The following CAMSAP1 variants were observed in gnomAD, a reference collection of about 807,000 sequenced individuals.
The protein encoded by CAMSAP1 is calmodulin regulated spectrin associated protein 1, also known as calmodulin-regulated spectrin-associated protein 1.
Under a neutral mutation model 143.5 loss-of-function variants are expected in CAMSAP1, and 58 were observed. The ratio of observed to expected loss-of-function variants is 0.40; its 90% CI spans 0.33 to 0.50. The LOEUF is 0.50. CAMSAP1 is among the 20% of genes least tolerant of loss of function. CAMSAP1 has a pLI of 0.45. For missense variants in CAMSAP1, 1,969 were observed against 2,115.7 expected, an observed-to-expected ratio of 0.93 and a Z score of 1.36; for synonymous variants, 945 against 859.3, an observed-to-expected ratio of 1.10 and a Z score of -1.74.
chr9:135,905,841 A>G (rs1172556788), intron 1 of CAMSAP1, among the ~76,000 whole-genome samples: 1 of 152,128 alleles, frequency 6.6e-6, no homozygotes, highest in Non-Finnish European at 1.5e-5. Flanking sequence ...TGTTCTTTGC[A>G]CCTGACTCAA....
At chr9:135,828,507 C>T (rs929151703) in intron 7 of CAMSAP1, among the ~76,000 whole-genome samples, 3 of 152,158 alleles carry the variant, frequency 2.0e-5, no homozygotes, top group Non-Finnish European at 4.4e-5. Flanking sequence ...GAATGGCTGC[C>T]GGAGAAGCTA....
At chr9:135,889,137 C>G (rs553325531) in intron 1 of CAMSAP1, among the ~76,000 whole-genome samples, 1 of 152,176 alleles carries the variant, frequency 6.6e-6, no homozygotes, top group African/African-American at 2.4e-5. Context: ...CTCTGAGGGC[C>G]ACAGCCCACA....
intron 5 of CAMSAP1, among the ~76,000 whole-genome samples, chr9:135,854,626 C>A (rs1415043809): frequency 6.6e-6 from 1 of 152,046 alleles, no homozygotes; most frequent in Non-Finnish European, 1.5e-5. Context: ...CCAGGCCAAG[C>A]TAACTTTTTA....
At position 135,809,517 on chromosome 9, in the gene CAMSAP1, C is replaced by G. The variant is rs993867078; in HGVS notation, c.*1792G>C. 2 of 152,466 alleles carry G rather than the reference C, an allele frequency of 1.3e-5. No individual in the cohort carries two copies. The highest frequency in any genetic ancestry group is 2.9e-5 in the Non-Finnish European group (2 of 68,030). The allele number at this position is 152,466 out of a possible 1,614,324, so 9.4% of individuals were successfully genotyped here. ...AGAACAATGTGAAACTCCTATAAAG[C>G]AAGGAGTTGGTGTCGCCTGGTCAGC... On this transcript the variant is annotated 3_prime_UTR_variant, in exon 17 of 17. Transcript: ENST00000389532.
rs1275365469 is a variant in CAMSAP1, at chr9:135,907,471, C to A, written c.-312G>T. 6.9e-6 allele frequency among the ~76,000 whole-genome samples: 1 copy of A among 145,624 alleles called. No homozygotes were observed. On this transcript the variant is annotated 5_prime_UTR_variant, in exon 1 of 17. Coordinates refer to ENST00000389532, the MANE Select transcript of CAMSAP1 (RefSeq NM_015447.4). ...GGGAGCGGGCCGGGGGCGGTGGCAG[C>A]GCGTGCGCGGTCCCGGGTGAGCGGC...
rs1837987658 is a variant in CAMSAP1, at chr9:135,882,316, T to C, written c.423+500A>G. Among the ~76,000 whole-genome samples, 1 of 151,764 alleles carries C rather than the reference T, an allele frequency of 6.6e-6. No individual in the cohort carries two copies. ...ACCCGCAGTCTCACCGGGAACGCCA[T>C]GGGAGCAACCAAACAAAGGCAGTGC... On this transcript the variant is annotated intron_variant, in intron 2 of 16. Transcript: ENST00000389532. This position sits in a 1 kb window ranked among gnomAD's most constrained non-coding sequence, Gnocchi z 4.9.
chr9:135,825,404 T>C (rs576402594), intron 8 of CAMSAP1, among the ~76,000 whole-genome samples: 1 of 152,296 alleles, frequency 6.6e-6, no homozygotes, highest in South Asian at 2.1e-4. Context: ...AAAATGTACA[T>C]TTTTAGAGGA....
Position 135,811,131 on chromosome 9 carries a change from G to A in CAMSAP1, c.*178C>T. The A allele has an allele frequency of 1.4e-6, 1 of 708,828 alleles. No individual in the cohort carries two copies. Among genetic ancestry groups the A allele is most frequent in the Non-Finnish European group, 2.3e-6 (1 of 432,394 alleles). 43.9% of individuals were successfully genotyped at this position (708,828 alleles called of 1,614,324 possible). ...ATCCTCTGCGTGAGATGAGCGCTGA[G>A]AGAGGGGTTTTCTTCTGCTGTCTAG... On this transcript the variant is annotated 3_prime_UTR_variant, in exon 17 of 17. Transcript: ENST00000389532. The surrounding 1 kb of genome is among the most constrained non-coding windows in gnomAD (Gnocchi z 4.9).
rs538425413 is a variant in CAMSAP1, at chr9:135,890,236, C to A, written c.161-7158G>T. 7.9e-5 allele frequency among the ~76,000 whole-genome samples: 12 copies of A among 152,222 alleles called. No homozygotes were observed. The South Asian group carries it at 2.5e-3, about 32-fold the overall frequency. The stretch of plus-strand genomic sequence containing the variant: ...TGCTCCACACACATACAGCTCACAC[C>A]CACAGAGCCTCTGCACACACAATCC... On this transcript the variant is annotated intron_variant, in intron 1 of 16. Coordinates refer to ENST00000389532, the MANE Select transcript of CAMSAP1 (RefSeq NM_015447.4).
intron 1 of CAMSAP1, among the ~76,000 whole-genome samples, chr9:135,891,513 C>G (rs1389010594): frequency 6.6e-6 from 1 of 152,234 alleles, no homozygotes; most frequent in Non-Finnish European, 1.5e-5. Flanking sequence ...CCACCCATGA[C>G]AGCAAAACGG....
Position 135,818,046 on chromosome 9 carries a change from C to T in CAMSAP1, c.4202G>A (p.Ser1401Asn). ...DNLSRTQSGS[S>N]LSLASAATTE... ...CGTCGCCGCAGAGGCCAAGGACAGGCTGGAGCCTGACTGAGTCCGGCTCAA... is the reference window on the plus strand; with the variant it reads ...CGTCGCCGCAGAGGCCAAGGACAGGTTGGAGCCTGACTGAGTCCGGCTCAA... The change falls in exon 14 of 17, where the codon AGC becomes AAC. Residue 1401 changes from serine to asparagine, a missense_variant. Physicochemically the swap from Ser to Asn is conservative, Grantham distance 46 (BLOSUM62 1). Transcript: ENST00000389532. This position sits in a 1 kb window ranked among gnomAD's most constrained non-coding sequence, Gnocchi z 7.7. 1 of 1,613,850 alleles carries T rather than the reference C, an allele frequency of 6.2e-7. No homozygotes were observed. Among genetic ancestry groups the T allele is most frequent in the Non-Finnish European group, 8.5e-7 (1 of 1,179,874 alleles).
chr9:135,884,810 G>T (rs1210339038), intron 1 of CAMSAP1, among the ~76,000 whole-genome samples: 1 of 152,170 alleles, frequency 6.6e-6, no homozygotes, highest in African/African-American at 2.4e-5. Flanking sequence ...GAGCCACCCC[G>T]CACACGCCGG....
intron 1 of CAMSAP1, among the ~76,000 whole-genome samples, chr9:135,889,880 T>C (rs1247801744): frequency 6.6e-6 from 1 of 151,992 alleles, no homozygotes; most frequent in Non-Finnish European, 1.5e-5. Context: ...CCAGGTCCTC[T>C]CCCCGTAAGC....
At chr9:135,828,114 G>C (rs1258771766) in intron 7 of CAMSAP1, among the ~76,000 whole-genome samples, 1 of 152,252 alleles carries the variant, frequency 6.6e-6, no homozygotes, top group Admixed American at 6.5e-5. Context: ...TGGGGGTCAG[G>C]TGAGGTGCTG....
intron 7 of CAMSAP1, among the ~76,000 whole-genome samples, chr9:135,829,889 AAC>A (rs1554790064): frequency 1.3e-5 from 2 of 151,050 alleles, no homozygotes; most frequent in Admixed American, 6.6e-5. Context: ...ATAAATAAAT[AAC>A]AATAAGTTAT....
Position 135,907,412 on chromosome 9 carries a change from G to A in CAMSAP1, c.-253C>T, listed in dbSNP as rs1284984134. On this transcript the variant is annotated 5_prime_UTR_variant, in exon 1 of 17. Coordinates refer to ENST00000389532, the MANE Select transcript of CAMSAP1 (RefSeq NM_015447.4). Reference sequence around the variant, plus strand: ...CGGCCCAAAGAGGCGGCGGCAGGAGGGCGCGGGCCGGGGGCGGGGGCGGGC... The same window carrying A: ...CGGCCCAAAGAGGCGGCGGCAGGAGAGCGCGGGCCGGGGGCGGGGGCGGGC... Among the ~76,000 whole-genome samples, 6 of 146,204 alleles carry A rather than the reference G, an allele frequency of 4.1e-5. No homozygotes were observed. The South Asian group carries it at 8.3e-4, about 20-fold the overall frequency.
chr9:135,836,380 TACAG>T, intron 7 of CAMSAP1: 1 of 983,384 alleles, frequency 1.0e-6, no homozygotes, highest in Non-Finnish European at 1.2e-6. Flanking sequence ...TACCCTGTTC[TACAG>T]ACACACGTTA....
intron 1 of CAMSAP1, among the ~76,000 whole-genome samples, chr9:135,889,284 C>T (rs1044890200): frequency 2.6e-5 from 4 of 152,194 alleles, no homozygotes; most frequent in African/African-American, 9.7e-5. Flanking sequence ...AAACCAACAC[C>T]TCAGGCCTCC....
Position 135,815,903 on chromosome 9 carries a change from C to T in CAMSAP1, c.4374G>A (p.Val1458=). The T allele has an allele frequency of 1.2e-6, 2 of 1,613,726 alleles. No homozygotes were observed. The highest frequency in any genetic ancestry group is 1.3e-5 in the African/African-American group (1 of 75,086). ...GAACGCCGTCACCTGTGTACTCGGC[C>T]ACTGAGGCCAGGGAAGATGCCGCCG... is the stretch of plus-strand genomic sequence containing the variant. ...TASAASSLAS[V]AEYTGPKLFK... is the part of the protein sequence containing the mutation. The change falls in exon 15 of 17, where the codon GTG becomes GTA. Residue 1458 remains valine (V), a synonymous_variant. Transcript: ENST00000389532.
Sources: allele counts gnomAD v4.1 joint callset (sites outside exome capture counted in the v4.1 genomes callset), GRCh38; gene constraint gnomAD v4.1.1; non-coding constraint Gnocchi (gnomAD v3.1); transcripts MANE v1.5; gene names NCBI Gene and HGNC (gene_info 2026-07-23, HGNC 2026-07-21).